MORC2: variants seen among roughly 807,000 people sequenced by gnomAD.
The protein encoded by MORC2 is MORC family CW-type zinc finger 2.
MORC2 carries 30 observed loss-of-function variants against 136.0 expected under a neutral mutation model. The ratio of observed to expected loss-of-function variants is 0.22; its 90% CI spans 0.17 to 0.30. The LOEUF is 0.30. MORC2 is among the 10% of genes least tolerant of loss of function. The probability of loss-of-function intolerance (pLI) is 1.00; values close to 1 mark genes in which losing one functional copy is unlikely to be tolerated. For missense variants in MORC2, 922 were observed against 1,333.1 expected (o/e 0.69, Z 4.80); for synonymous variants, 439 against 487.0 (o/e 0.90, Z 1.30).
At chr22:30,958,947 G>C (rs895824615) in intron 1 of MORC2, 5 of 407,534 alleles carry the variant, frequency 1.2e-5, no homozygotes, top group Middle Eastern at 6.9e-4. Context: ...CTGAAGCATT[G>C]AAAGAGTCCT....
chr22:30,961,988 G>A (rs567502290), intron 1 of MORC2, among the ~76,000 whole-genome samples: 2 of 152,124 alleles, frequency 1.3e-5, no homozygotes, highest in East Asian at 3.9e-4. Context: ...TTGAACTCAG[G>A]AGTTTGAGAC....
At chr22:30,964,539 C>T (rs951242139) in intron 1 of MORC2, among the ~76,000 whole-genome samples, 10 of 152,334 alleles carry the variant, frequency 6.6e-5, no homozygotes, top group Admixed American at 4.6e-4. Flanking sequence ...GCCAAAGGAA[C>T]ATCACTACCA....
At chr22:30,950,343 C>CGGGGG in intron 4 of MORC2, 34 bp downstream of exon 4, 1 of 639,768 alleles carries the variant, frequency 1.6e-6, no homozygotes, top group Non-Finnish European at 2.9e-6. Context: ...CATCGCACCC[C>CGGGGG]CCCACCCCCC....
chr22:30,940,262 A>G (rs115891197), intron 10 of MORC2, among the ~76,000 whole-genome samples: 1 of 152,032 alleles, frequency 6.6e-6, no homozygotes, highest in Non-Finnish European at 1.5e-5. Context: ...GGAGGCCCCA[A>G]GGAAACTTTA....
At chr22:30,939,141 C>T (rs2040703060) in intron 12 of MORC2, among the ~76,000 whole-genome samples, 1 of 152,068 alleles carries the variant, frequency 6.6e-6, no homozygotes, top group African/African-American at 2.4e-5. Flanking sequence ...AATGCTGGTT[C>T]TAAATGCAAA....
intron 1 of MORC2, among the ~76,000 whole-genome samples, chr22:30,960,365 G>A (rs922100818): frequency 6.6e-6 from 1 of 152,098 alleles, no homozygotes; most frequent in African/African-American, 2.4e-5. Context: ...TAATCCAAAG[G>A]CAGCACGACA....
intron 3 of MORC2, among the ~76,000 whole-genome samples, chr22:30,954,336 A>G (rs901661701): frequency 6.6e-6 from 1 of 152,180 alleles, no homozygotes; most frequent in Non-Finnish European, 1.5e-5. Context: ...CCTGTGGTAG[A>G]AAAGTGTAGG....
intron 25 of MORC2, among the ~76,000 whole-genome samples, chr22:30,927,670 C>A (rs1377816447): frequency 1.3e-5 from 2 of 152,326 alleles, no homozygotes; most frequent in East Asian, 3.9e-4. Flanking sequence ...ATGCTTATTG[C>A]CTGGATGAAG....
At chr22:30,927,431 T>C (rs973996567) in intron 25 of MORC2, among the ~76,000 whole-genome samples, 2 of 152,180 alleles carry the variant, frequency 1.3e-5, no homozygotes, top group African/African-American at 4.8e-5. Flanking sequence ...TCCTTCTGCC[T>C]GGAATGCTCG....
At position 30,946,590 on chromosome 22, in the gene MORC2, C is replaced by A. The variant is rs1451714252; in HGVS notation, c.318-141G>T. On this transcript the variant is annotated intron_variant, in intron 5 of 25. Coordinates refer to ENST00000397641, the MANE Select transcript of MORC2 (RefSeq NM_001303256.3). ...CCCCCCCAGGTCCCAGGACTGTGTGCTGAGTTCCACAGCCCTCGTTCCCTC... is the reference window on the plus strand; with the variant it reads ...CCCCCCCAGGTCCCAGGACTGTGTGATGAGTTCCACAGCCCTCGTTCCCTC... The A allele has an allele frequency of 1.9e-5, 12 of 615,876 alleles. No individual in the cohort carries two copies. The East Asian group carries it at 3.4e-4, about 18-fold the overall frequency. 38.2% of individuals were successfully genotyped at this position (615,876 alleles called of 1,614,324 possible). A position where few individuals can be genotyped will look rare whatever the true frequency, so the allele number is the denominator to read the frequency against.
intron 1 of MORC2, chr22:30,967,015 T>C: frequency 2.3e-6 from 2 of 861,340 alleles, no homozygotes; most frequent in Non-Finnish European, 2.8e-6. Context: ...ACTGGACCAT[T>C]CATGTAGCTG....
chr22:30,945,500 C>T (rs1469227908), intron 6 of MORC2, among the ~76,000 whole-genome samples: 2 of 152,096 alleles, frequency 1.3e-5, no homozygotes, highest in Non-Finnish European at 2.9e-5. Flanking sequence ...CCTCTTAGCC[C>T]CCCTTCTTTC....
At chr22:30,946,608 G>A (rs1602496386) in intron 5 of MORC2, among the ~76,000 whole-genome samples, 159 bp from the exon 6 acceptor site, 1 of 150,300 alleles carries the variant, frequency 6.7e-6, no homozygotes, top group Non-Finnish European at 1.5e-5. Context: ...CACAGCCCTC[G>A]TTCCCTCTCC....
rs1334117000 is a variant in MORC2 at position 30,958,633 on chromosome 22, C to T, written c.122+8G>A. The T allele has an allele frequency of 1.3e-6, 2 of 1,545,974 alleles. No individual in the cohort carries two copies. The highest frequency in any genetic ancestry group is 2.4e-5 in the South Asian group (2 of 83,950). On this transcript the variant is annotated splice_region_variant and intron_variant, in intron 2 of 25. Transcript: ENST00000397641. ...CAAGCACAGATTGTATGCCTGAAGA[C>T]TACATACCTTGCATTATCAACCAGT...
chr22:30,942,676 G>A (rs944030848), intron 6 of MORC2, among the ~76,000 whole-genome samples: 6 of 152,204 alleles, frequency 3.9e-5, no homozygotes, highest in Non-Finnish European at 8.8e-5. Context: ...TACCCTAGGA[G>A]AAACTTTTGT....
chr22:30,932,241 C>A lies in MORC2; in HGVS notation c.2841+118G>T. The A allele has an allele frequency of 1.1e-6, 1 of 897,768 alleles. No individual in the cohort carries two copies. The allele number at this position is 897,768 out of a possible 1,614,324, so 55.6% of individuals were successfully genotyped here. On this transcript the variant is annotated intron_variant, in intron 24 of 25. Coordinates refer to ENST00000397641, the MANE Select transcript of MORC2 (RefSeq NM_001303256.3). This position sits in a 1 kb window ranked among gnomAD's most constrained non-coding sequence, Gnocchi z 4.4. ...GAGAGGCTGGCTGAGATGGAGCACA[C>A]AGCTGAGAGCTAGCAACTGCAACAA...
intron 1 of MORC2, among the ~76,000 whole-genome samples, chr22:30,963,784 G>A (rs532570604): frequency 1.3e-5 from 2 of 152,150 alleles, no homozygotes; most frequent in African/African-American, 2.4e-5. Context: ...GTTATGTAAG[G>A]AAAATGGTCT....
At position 30,968,196 on chromosome 22, in the gene MORC2, G is replaced by A. The variant is rs2041158751; in HGVS notation, c.-307C>T. The A allele has an allele frequency of 6.6e-6, 2 of 301,670 alleles. No homozygotes were observed. Among genetic ancestry groups the A allele is most frequent in the Non-Finnish European group, 6.3e-6 (1 of 157,876 alleles). 18.7% of individuals were successfully genotyped at this position (301,670 alleles called of 1,614,324 possible). On this transcript the variant is annotated 5_prime_UTR_variant, in exon 1 of 26. Coordinates refer to ENST00000397641, the MANE Select transcript of MORC2 (RefSeq NM_001303256.3). ...CGATAGCTCAATTCAGACAATCTGA[G>A]TCTCGTGTGGATGGTCCTGAAGGAG...
chr22:30,936,354 G>A (rs1191967433), intron 17 of MORC2, among the ~76,000 whole-genome samples, 157 bp downstream of exon 17: 5 of 152,140 alleles, frequency 3.3e-5, no homozygotes, highest in Non-Finnish European at 2.9e-5. Flanking sequence ...AATAGTACAC[G>A]TGGACCTGGA....
Sources: allele counts gnomAD v4.1 joint callset (sites outside exome capture counted in the v4.1 genomes callset), GRCh38; gene constraint gnomAD v4.1.1; non-coding constraint Gnocchi (gnomAD v3.1); transcripts MANE v1.5; gene names NCBI Gene and HGNC (gene_info 2026-07-23, HGNC 2026-07-21).